SH3RF1: variants seen among roughly 807,000 people sequenced by gnomAD.
SH3RF1 encodes the protein E3 ubiquitin-protein ligase SH3RF1.
In SH3RF1, 32 loss-of-function variants were observed where a neutral mutation model predicts 74.0. The observed-to-expected ratio is 0.43, with a 90% CI of 0.33 to 0.58. SH3RF1 has a LOEUF of 0.58. Among genes scored for constraint, SH3RF1 ranks in the 20% least tolerant of loss-of-function variants. The probability of loss-of-function intolerance (pLI) is 0.05; values close to 1 mark genes in which losing one functional copy is unlikely to be tolerated. For missense variants in SH3RF1, 954 were observed against 1,130.9 expected, an observed-to-expected ratio of 0.84 and a Z score of 2.24; for synonymous variants, 396 against 439.6, an observed-to-expected ratio of 0.90 and a Z score of 1.24.
intron 2 of SH3RF1, among the ~76,000 whole-genome samples, chr4:169,226,572 T>C (rs940672359): frequency 7.9e-5 from 12 of 151,892 alleles, no homozygotes; most frequent in Non-Finnish European, 1.5e-4. Flanking sequence ...TAATCTCATT[T>C]AACCATTCCT....
At chr4:169,152,871 G>C (rs72985042) in intron 4 of SH3RF1, among the ~76,000 whole-genome samples, 5,793 of 152,284 alleles carry the variant, frequency 0.038, 127 homozygotes, top group African/African-American at 0.057. Flanking sequence ...TTGAGGACAG[G>C]AAGAGAGGGC....
chr4:169,109,883 C>A (rs1321170876), intron 10 of SH3RF1, among the ~76,000 whole-genome samples: 1 of 151,492 alleles, frequency 6.6e-6, no homozygotes, highest in Admixed American at 6.6e-5. Flanking sequence ...GTGGTGCATG[C>A]CTGTGGTCCC....
intron 11 of SH3RF1, among the ~76,000 whole-genome samples, chr4:169,104,030 C>T (rs1733088171): frequency 6.6e-6 from 1 of 152,194 alleles, no homozygotes; most frequent in Non-Finnish European, 1.5e-5. Context: ...TCCTTCTTTT[C>T]AGATGAACTG....
At chr4:169,104,761 G>A (rs746294767) in intron 11 of SH3RF1, among the ~76,000 whole-genome samples, 14 of 151,886 alleles carry the variant, frequency 9.2e-5, no homozygotes, top group Non-Finnish European at 1.8e-4. Context: ...AAAATTAGCC[G>A]GGCGTGGTGT....
At chr4:169,132,420 G>A (rs1733633766) in intron 5 of SH3RF1, among the ~76,000 whole-genome samples, 1 of 152,208 alleles carries the variant, frequency 6.6e-6, no homozygotes, top group South Asian at 2.1e-4. Flanking sequence ...GCACTTCAGG[G>A]AAGCACTGAC....
intron 6 of SH3RF1, among the ~76,000 whole-genome samples, chr4:169,125,371 T>G (rs1210260102): frequency 6.6e-6 from 1 of 152,024 alleles, no homozygotes; most frequent in African/African-American, 2.4e-5. Flanking sequence ...AAAGTTCAAG[T>G]ATATGGGTGT....
At chr4:169,218,793 T>A (rs1730508683) in intron 2 of SH3RF1, among the ~76,000 whole-genome samples, 3 of 152,246 alleles carry the variant, frequency 2.0e-5, no homozygotes, top group Non-Finnish European at 2.9e-5. Context: ...AATAAATACA[T>A]GAATTAACTG....
intron 11 of SH3RF1, among the ~76,000 whole-genome samples, chr4:169,104,747 C>CA (rs1435332635): frequency 6.6e-6 from 1 of 151,640 alleles, no homozygotes; most frequent in African/African-American, 2.4e-5. Context: ...ACTGAAAATA[C>CA]AAAAAAATTA....
At position 169,153,772 on chromosome 4, in the gene SH3RF1, G is replaced by T. The variant is rs78027160; in HGVS notation, c.765+1708C>A. On this transcript the variant is annotated intron_variant, in intron 4 of 11. Transcript: ENST00000284637. ...CCACATCTCAAATGGCAAGATTCTG[G>T]TTCAAGTGAGGAAAATGCTCATTTG... Among the ~76,000 whole-genome samples, 545 of 152,230 alleles carry T rather than the reference G, an allele frequency of 3.6e-3. 28 individuals are homozygous for T. The East Asian group carries it at 0.096, about 27-fold the overall frequency.
chr4:169,121,107 A>T, intron 7 of SH3RF1, 118 bp from the exon 8 acceptor site: 1 of 781,146 alleles, frequency 1.3e-6, no homozygotes, highest in Non-Finnish European at 2.1e-6. Flanking sequence ...CTGAAAGTAT[A>T]ATCCTTTAAT....
chr4:169,214,683 G>A (rs1730434986), intron 2 of SH3RF1, among the ~76,000 whole-genome samples: 1 of 151,740 alleles, frequency 6.6e-6, no homozygotes, highest in East Asian at 1.9e-4. Context: ...ATATATATGT[G>A]TATATATATA....
At chr4:169,235,469 T>C (rs759202269) in intron 2 of SH3RF1, among the ~76,000 whole-genome samples, 7 of 152,158 alleles carry the variant, frequency 4.6e-5, no homozygotes, top group Non-Finnish European at 7.3e-5. Context: ...ATTATTTCCA[T>C]TTAAATATGA....
intron 6 of SH3RF1, among the ~76,000 whole-genome samples, chr4:169,127,237 T>G (rs1391992868): frequency 6.6e-6 from 1 of 152,248 alleles, no homozygotes; most frequent in Non-Finnish European, 1.5e-5. Flanking sequence ...GTTTATAACT[T>G]CGTTCTGCAT....
At chr4:169,173,603 G>A (rs1157517047) in intron 2 of SH3RF1, among the ~76,000 whole-genome samples, 2 of 152,152 alleles carry the variant, frequency 1.3e-5, no homozygotes, top group African/African-American at 2.4e-5. Context: ...GTGATCCTGA[G>A]GCGCTGTAGA....
intron 10 of SH3RF1, among the ~76,000 whole-genome samples, chr4:169,115,348 G>A (rs1214356020): frequency 2.6e-5 from 4 of 152,202 alleles, no homozygotes; most frequent in African/African-American, 7.2e-5. Context: ...GGCTTCATCT[G>A]TATTTACAGC....
intron 2 of SH3RF1, among the ~76,000 whole-genome samples, chr4:169,226,568 C>G (rs1201294401): frequency 6.6e-6 from 1 of 151,842 alleles, no homozygotes; most frequent in East Asian, 1.9e-4. Context: ...ATGCTAATCT[C>G]ATTTAACCAT....
chr4:169,095,808 C>G lies in SH3RF1; in HGVS notation c.*711G>C, dbSNP rs1374601758. ...CACTTCATTCTAGGAAAATTAAAAA[C>G]CCACACAATTAAATTGAGGACTAGG... is the stretch of plus-strand genomic sequence containing the variant. On this transcript the variant is annotated 3_prime_UTR_variant, in exon 12 of 12. Coordinates refer to ENST00000284637, the MANE Select transcript of SH3RF1 (RefSeq NM_020870.4). The G allele has an allele frequency of 1.3e-5, 2 of 152,278 alleles. No individual in the cohort carries two copies. The highest frequency in any genetic ancestry group is 2.9e-5 in the Non-Finnish European group (2 of 68,024). 9.4% of individuals were successfully genotyped at this position (152,278 alleles called of 1,614,324 possible). A position where few individuals can be genotyped will look rare whatever the true frequency, so the allele number is the denominator to read the frequency against.
intron 2 of SH3RF1, among the ~76,000 whole-genome samples, chr4:169,164,401 CA>C (rs1177965519): frequency 1.3e-5 from 2 of 152,180 alleles, no homozygotes; most frequent in African/African-American, 4.8e-5. Context: ...CAGTTTTACA[CA>C]AATTGCAAAA....
intron 11 of SH3RF1, among the ~76,000 whole-genome samples, chr4:169,097,004 C>T (rs1034664664): frequency 2.6e-5 from 4 of 152,096 alleles, no homozygotes; most frequent in Non-Finnish European, 5.9e-5. Flanking sequence ...TTTCATTTCC[C>T]GAGAGGGGTA....
Sources: allele counts gnomAD v4.1 joint callset (sites outside exome capture counted in the v4.1 genomes callset), GRCh38; gene constraint gnomAD v4.1.1; transcripts MANE v1.5; gene names NCBI Gene and HGNC (gene_info 2026-07-23, HGNC 2026-07-21).